Variants in ABR observed in about 807,000 individuals in gnomAD.
ABR encodes the protein active breakpoint cluster region-related protein.
Under a neutral mutation model 107.2 loss-of-function variants are expected in ABR, and 35 were observed. That is an observed-to-expected ratio of 0.33 (90% CI 0.25 to 0.43). ABR has a LOEUF of 0.43. Among genes scored for constraint, ABR ranks in the 20% least tolerant of loss-of-function variants. The pLI, the probability that ABR is intolerant of heterozygous loss-of-function variation, is 1.00. For missense variants in ABR, 815 were observed against 1,115.2 expected, an observed-to-expected ratio of 0.73 and a Z score of 3.83; for synonymous variants, 498 against 462.0, an observed-to-expected ratio of 1.08 and a Z score of -1.00.
intron 2 of ABR, chr17:1,109,069 G>T: frequency 6.3e-7 from 1 of 1,592,236 alleles, no homozygotes; most frequent in Non-Finnish European, 8.5e-7. Flanking sequence ...CCTCCTCCAT[G>T]GCAGCCGGAG....
chr17:1,155,118 G>A (rs1057071195), intron 1 of ABR, among the ~76,000 whole-genome samples: 1 of 152,096 alleles, frequency 6.6e-6, no homozygotes, highest in Non-Finnish European at 1.5e-5. Flanking sequence ...GCTCTGGGAT[G>A]TCCCAGCAAT....
chr17:1,079,015 G>C, intron 6 of ABR: 1 of 1,459,732 alleles, frequency 6.9e-7, no homozygotes, highest in African/African-American at 1.4e-5. Flanking sequence ...AAGGGGGAGG[G>C]GAGGGAGGCG....
intron 16 of ABR, among the ~76,000 whole-genome samples, chr17:1,019,912 C>T (rs2071486783): frequency 6.6e-6 from 1 of 152,184 alleles, no homozygotes; most frequent in Admixed American, 6.5e-5. Flanking sequence ...CGTGAAGGGT[C>T]AGGCTGGGAA....
At chr17:1,063,352 C>G (rs1316315610) in intron 10 of ABR, among the ~76,000 whole-genome samples, 2 of 110,292 alleles carry the variant, frequency 1.8e-5, no homozygotes, top group Admixed American at 9.6e-5. Context: ...ACTGTTGTTA[C>G]GTGAACTGAG....
intron 16 of ABR, among the ~76,000 whole-genome samples, chr17:1,045,703 G>C (rs949165156): frequency 2.0e-5 from 3 of 152,206 alleles, no homozygotes; most frequent in African/African-American, 7.2e-5. Context: ...TCCTGGGCTC[G>C]CTTATGTGTG....
intron 16 of ABR, among the ~76,000 whole-genome samples, chr17:1,018,209 A>ATT (rs565334743): frequency 6.6e-6 from 1 of 151,376 alleles, no homozygotes; most frequent in Non-Finnish European, 1.5e-5. Flanking sequence ...CCCCCGGCTA[A>ATT]TTTTTTGTAT....
At chr17:1,146,708 C>T (rs1037607521) in intron 1 of ABR, among the ~76,000 whole-genome samples, 2 of 150,606 alleles carry the variant, frequency 1.3e-5, no homozygotes, top group African/African-American at 4.9e-5. Context: ...ACCATGCCAC[C>T]ACTGCCACTA....
intron 1 of ABR, among the ~76,000 whole-genome samples, chr17:1,161,006 G>A (rs1052438344): frequency 6.6e-6 from 1 of 152,102 alleles, no homozygotes; most frequent in Non-Finnish European, 1.5e-5. Flanking sequence ...GGTGTCGCTG[G>A]ACCGCCCTGC....
rs368023591 is a variant in ABR, at chr17:1,007,336, A to G, written c.2343-24T>C. The G allele has an allele frequency of 1.5e-4, 240 of 1,613,318 alleles. 1 individual carries two copies. The African/African-American group carries it at 2.5e-3, about 17-fold the overall frequency. ...CCCTAAGAAGGAGAAGATGGGGAGG[A>G]AAGAAGCCCTTCCTCAGCAGCCACT... On this transcript the variant is annotated intron_variant, in intron 21 of 22. Transcript: ENST00000302538.
intron 7 of ABR, among the ~76,000 whole-genome samples, chr17:1,073,280 G>A (rs2035403817): frequency 6.6e-6 from 1 of 151,728 alleles, no homozygotes; most frequent in Non-Finnish European, 1.5e-5. Flanking sequence ...TCTCCCCAGT[G>A]TGGAGACCAG....
Position 1,210,322 on chromosome 17 carries a change from C to T in ABR, c.838+18471G>A, listed in dbSNP as rs2042877748. ...GGTCAAGAGTTCAAGACCAGCCTGG[C>T]CAACATGGTGAAACCCCATCTCTGC... On this transcript the variant is annotated intron_variant, in intron 1 of 22. Coordinates refer to the ABR transcript ENST00000574139. This position sits in a 1 kb window ranked among gnomAD's most constrained non-coding sequence, Gnocchi z 5.6. 6.6e-6 allele frequency among the ~76,000 whole-genome samples: 1 copy of T among 152,232 alleles called. No individual in the cohort carries two copies. Among genetic ancestry groups the T allele is most frequent in the Non-Finnish European group, 1.5e-5 (1 of 68,050 alleles).
At chr17:1,019,903 G>A (rs868399918) in intron 16 of ABR, among the ~76,000 whole-genome samples, 3 of 152,204 alleles carry the variant, frequency 2.0e-5, no homozygotes, top group Non-Finnish European at 4.4e-5. Context: ...GAGGGAGCTC[G>A]TGAAGGGTCA....
At chr17:1,101,498 C>A (rs1438811236) in intron 2 of ABR, among the ~76,000 whole-genome samples, 1 of 152,198 alleles carries the variant, frequency 6.6e-6, no homozygotes, top group Non-Finnish European at 1.5e-5. Flanking sequence ...GTCCCACACA[C>A]CAGAGCTGGA....
chr17:1,112,015 C>T (rs1241231151), intron 2 of ABR, among the ~76,000 whole-genome samples: 1 of 152,242 alleles, frequency 6.6e-6, no homozygotes, highest in East Asian at 1.9e-4. Context: ...CTTCCCTCAA[C>T]CCCCACATCC....
chr17:1,091,523 C>G, intron 4 of ABR, 142 bp downstream of exon 4: 1 of 955,138 alleles, frequency 1.0e-6, no homozygotes, highest in Non-Finnish European at 1.5e-6. Flanking sequence ...ACACACAGGC[C>G]CAGGCCTTCC....
chr17:1,180,020 T>C (rs1346431709), upstream of ABR: 1 of 19,986 alleles, frequency 5.0e-5, no homozygotes, highest in African/African-American at 2.2e-4. Context: ...GGCTTCGTGG[T>C]GGGGCGGGGC....
At chr17:1,044,170 ACG>A (rs2031167652) in intron 16 of ABR, among the ~76,000 whole-genome samples, 1 of 148,504 alleles carries the variant, frequency 6.7e-6, no homozygotes, top group Middle Eastern at 3.5e-3. Context: ...AGGGCAGACT[ACG>A]CCGGGGGCAG....
At chr17:1,191,343 ATTTTTCTTTTCT>A (rs1285953374), upstream of ABR, among the ~76,000 whole-genome samples, 1 of 119,432 alleles carries the variant, frequency 8.4e-6, no homozygotes, top group Admixed American at 9.0e-5. Context: ...ATGTTCCAGC[ATTTTTCTTTTCT>A]TTTTTTTTTT....
chr17:1,073,607 C>T lies in ABR; in HGVS notation c.753+18G>A, dbSNP rs372047029. 6.1e-5 allele frequency: 95 copies of T among 1,558,870 alleles called. 1 individual carries two copies. Among genetic ancestry groups the T allele is most frequent in the Admixed American group, 1.3e-4 (7 of 55,520 alleles). On this transcript the variant is annotated intron_variant, in intron 7 of 22. Transcript: ENST00000302538. ...AACTCCTAAGCCCTCTCTGGCCATT[C>T]GGAGGCTTGACACTCACGTGTAGGA...
Sources: gnomAD v4.1 joint callset for allele counts (sites outside exome capture counted in the v4.1 genomes callset) on GRCh38, gnomAD v4.1.1 for gene constraint, Gnocchi (gnomAD v3.1) non-coding constraint, MANE v1.5 for transcripts, NCBI Gene and HGNC (gene_info 2026-07-23, HGNC 2026-07-21) for gene names.